Variants in KCNN3 observed in about 807,000 individuals in gnomAD.
KCNN3 encodes small conductance calcium-activated potassium channel protein 3.
In KCNN3, 16 loss-of-function variants were observed where a neutral mutation model predicts 62.9. The observed-to-expected ratio is 0.25, with a 90% CI of 0.17 to 0.39. The LOEUF is 0.39. KCNN3 is among the 10% of genes least tolerant of loss of function. The pLI, the probability that KCNN3 is intolerant of heterozygous loss-of-function variation, is 1.00. For synonymous variants in KCNN3, 370 were observed against 389.2 expected (o/e 0.95, Z 0.58); for missense variants, 599 against 949.4 (o/e 0.63, Z 4.85).
intron 4 of KCNN3, among the ~76,000 whole-genome samples, chr1:154,727,648 T>C (rs1229274711): frequency 1.3e-5 from 2 of 152,240 alleles, no homozygotes; most frequent in Non-Finnish European, 2.9e-5. Flanking sequence ...GACCTCATTT[T>C]CCTCTTTTGT....
chr1:154,849,659 C>A (rs1467690590), intron 1 of KCNN3, among the ~76,000 whole-genome samples: 5 of 152,204 alleles, frequency 3.3e-5, no homozygotes, highest in Non-Finnish European at 7.4e-5. Flanking sequence ...ATGACAGAGG[C>A]AGCCCCCTTG....
rs751123937 is a variant in KCNN3, at chr1:154,869,247, T to C, written c.718A>G (p.Thr240Ala). The change falls in exon 1 of 8, where the codon ACC becomes GCC. Residue 240 changes from threonine (T) to alanine (A), a missense_variant. This residue lies in a region of KCNN3 where 80 missense variants were observed against 85.4 expected (regional missense o/e 0.94). Coordinates refer to ENST00000271915, the MANE Select transcript of KCNN3 (RefSeq NM_002249.6). This position sits in a 1 kb window ranked among gnomAD's most constrained non-coding sequence, Gnocchi z 6.1. ...HQTLLHHPNA[T>A]HNHQHAGTTA... is the part of the protein sequence containing the mutation. ...GTGCCGGCATGCTGGTGGTTGTGGG[T>C]GGCATTAGGGTGATGGAGCAGGGTC... 4.3e-6 allele frequency: 7 copies of C among 1,613,216 alleles called. No individual in the cohort carries two copies. In the South Asian group the frequency reaches 7.7e-5, roughly 18 times the overall value.
intron 2 of KCNN3, among the ~76,000 whole-genome samples, chr1:154,821,287 A>G (rs951240): frequency 0.22 from 33,262 of 152,216 alleles, 4,189 homozygotes; most frequent in Middle Eastern, 0.4. Context: ...GATGGTTTCC[A>G]GATTCACATG....
At chr1:154,863,352 C>T (rs1652835626) in intron 1 of KCNN3, among the ~76,000 whole-genome samples, 1 of 152,204 alleles carries the variant, frequency 6.6e-6, no homozygotes, top group African/African-American at 2.4e-5. Flanking sequence ...TCCCCACCCT[C>T]ATTATTTAAA....
chr1:154,770,447 C>T (rs1011171388), intron 3 of KCNN3, among the ~76,000 whole-genome samples: 1 of 152,210 alleles, frequency 6.6e-6, no homozygotes, highest in African/African-American at 2.4e-5. Context: ...CTCCAGACTT[C>T]TTTGTCTTGT....
chr1:154,860,650 A>G (rs1291078571), intron 1 of KCNN3, among the ~76,000 whole-genome samples: 1 of 152,204 alleles, frequency 6.6e-6, no homozygotes, highest in African/African-American at 2.4e-5. Flanking sequence ...ACGGACGGGA[A>G]GCCATTTGGC....
intron 3 of KCNN3, among the ~76,000 whole-genome samples, chr1:154,738,144 A>G (rs1050778177): frequency 6.6e-6 from 1 of 152,210 alleles, no homozygotes; most frequent in Non-Finnish European, 1.5e-5. Flanking sequence ...GTGGATGAAA[A>G]TAGATGCACA....
At chr1:154,860,028 T>G (rs1652699939) in intron 1 of KCNN3, among the ~76,000 whole-genome samples, 1 of 152,202 alleles carries the variant, frequency 6.6e-6, no homozygotes, top group Admixed American at 6.5e-5. Context: ...GTGAAACAGA[T>G]ATGGCTTCCA....
intron 3 of KCNN3, among the ~76,000 whole-genome samples, chr1:154,752,828 G>C (rs1011072669): frequency 3.3e-5 from 5 of 152,140 alleles, no homozygotes; most frequent in Non-Finnish European, 5.9e-5. Context: ...TCAGGGAAAT[G>C]GAGATAACAC....
intron 3 of KCNN3, among the ~76,000 whole-genome samples, chr1:154,767,761 T>C (rs1648362184): frequency 6.6e-6 from 1 of 152,220 alleles, no homozygotes; most frequent in Admixed American, 6.5e-5. Context: ...AATGCCTCTC[T>C]GGGGGCCAAG....
chr1:154,766,847 T>C lies in KCNN3; in HGVS notation c.1448+5128A>G, dbSNP rs190155554. Among the ~76,000 whole-genome samples, 759 of 151,884 alleles carry C rather than the reference T, an allele frequency of 5.0e-3. 12 individuals are homozygous for C. The highest frequency in any genetic ancestry group is 0.017 in the African/African-American group (718 of 41,430). ...GGTGTGTGCCACCATGCCCGGCTAA[T>C]TTTTTTGTATTTTTAGTAGAGACGG... On this transcript the variant is annotated intron_variant, in intron 3 of 7. Transcript: ENST00000271915.
chr1:154,822,182 G>A lies in KCNN3; in HGVS notation c.936C>T (p.Asp312=), dbSNP rs748029142. 6.2e-7 allele frequency: 1 copy of A among 1,607,488 alleles called. No individual in the cohort carries two copies. Among genetic ancestry groups the A allele is most frequent in the Non-Finnish European group, 8.5e-7 (1 of 1,173,954 alleles). Residue 312 remains aspartate (D), a splice_region_variant and synonymous_variant, in exon 2 of 8, where the codon GAC becomes GAT. Coordinates refer to ENST00000271915, the MANE Select transcript of KCNN3 (RefSeq NM_002249.6). ...TELSWGLYSK[D]SMFSLALKCL... Reference sequence around the variant, plus strand: ...ATTTCAGGGCCAACGAAAACATGGAGTCCTGCAGGAACAATGGAGAGAGAG... The same window carrying A: ...ATTTCAGGGCCAACGAAAACATGGAATCCTGCAGGAACAATGGAGAGAGAG...
chr1:154,771,868 A>G, intron 3 of KCNN3, 107 bp downstream of exon 3: 1 of 1,095,828 alleles, frequency 9.1e-7, no homozygotes, highest in Non-Finnish European at 1.4e-6. Flanking sequence ...GTGTCTGGGT[A>G]CATGCCTGTC....
chr1:154,835,502 AT>A lies in KCNN3; in HGVS notation c.934-13319del, dbSNP rs1425889760. On this transcript the variant is annotated intron_variant, in intron 1 of 7. Transcript: ENST00000271915. ...TCATGGGCAGACATCATTCTGCTGG[AT>A]CAAAGCAATTGTTAGTAGACAGTAT... 2.6e-5 allele frequency among the ~76,000 whole-genome samples: 4 copies of A among 152,316 alleles called. No homozygotes were observed. In the East Asian group the frequency reaches 7.7e-4, roughly 29 times the overall value.
chr1:154,856,694 G>A (rs929135820), intron 1 of KCNN3, among the ~76,000 whole-genome samples: 3 of 152,100 alleles, frequency 2.0e-5, no homozygotes, highest in South Asian at 2.1e-4. Context: ...CAGCCCCAGC[G>A]GCCAGGTTAG....
At chr1:154,730,448 G>A (rs1409613008) in intron 4 of KCNN3, among the ~76,000 whole-genome samples, 1 of 152,142 alleles carries the variant, frequency 6.6e-6, no homozygotes, top group Non-Finnish European at 1.5e-5. Flanking sequence ...TTTAGTAAAG[G>A]CACTTGCAAT....
chr1:154,752,116 T>C (rs1246168954), intron 3 of KCNN3, among the ~76,000 whole-genome samples: 1 of 152,134 alleles, frequency 6.6e-6, no homozygotes, highest in Non-Finnish European at 1.5e-5. Flanking sequence ...TGGCCAAATC[T>C]GTCATGAGTA....
At chr1:154,727,892 T>G (rs948512363) in intron 4 of KCNN3, among the ~76,000 whole-genome samples, 1 of 152,188 alleles carries the variant, frequency 6.6e-6, no homozygotes, top group Non-Finnish European at 1.5e-5. Context: ...CAAAAGTACT[T>G]TGGGCTGAAA....
intron 2 of KCNN3, among the ~76,000 whole-genome samples, chr1:154,811,970 G>A (rs1650424001): frequency 1.3e-5 from 2 of 152,176 alleles, no homozygotes; most frequent in East Asian, 1.9e-4. Flanking sequence ...TTGGGAAGAC[G>A]CTGGCCTCCC....
Sources: allele counts gnomAD v4.1 joint callset (sites outside exome capture counted in the v4.1 genomes callset), GRCh38; gene constraint gnomAD v4.1.1; regional missense constraint gnomAD v4.1.1; non-coding constraint Gnocchi (gnomAD v3.1); transcripts MANE v1.5; gene names NCBI Gene and HGNC (gene_info 2026-07-23, HGNC 2026-07-21).